The following EEIG1 variants were observed in gnomAD, a reference collection of about 807,000 sequenced individuals.
EEIG1 encodes the protein estrogen-induced osteoclastogenesis regulator 1, also known as early estrogen-induced gene 1 protein.
the EEIG1 span, among the ~76,000 whole-genome samples, chr9:127,952,303 C>G: frequency 2.0e-5 from 3 of 152,226 alleles, no homozygotes; most frequent in African/African-American, 7.2e-5. Context: ...AAGGGCCACG[C>G]CCTGTATAGC....
At chr9:127,950,531 G>A in the EEIG1 span, 7 of 1,613,758 alleles carry the variant, frequency 4.3e-6, no homozygotes, top group Admixed American at 3.3e-5. Context: ...TCAAGTCAGC[G>A]AAGCCCAGCT....
At chr9:127,965,140 A>C in the EEIG1 span, among the ~76,000 whole-genome samples, 1 of 145,804 alleles carries the variant, frequency 6.9e-6, no homozygotes, top group East Asian at 2.0e-4. Context: ...AAAAAAAAAA[A>C]AAAAACCAAA....
the EEIG1 span, among the ~76,000 whole-genome samples, chr9:127,954,512 G>A: frequency 6.6e-6 from 1 of 152,188 alleles, no homozygotes; most frequent in African/African-American, 2.4e-5. Flanking sequence ...TACCCACACA[G>A]TGATTCCCAT....
chr9:127,953,254 T>A, the EEIG1 span: 1 of 376,338 alleles, frequency 2.7e-6, no homozygotes, highest in Non-Finnish European at 4.8e-6. Context: ...GTATATTTCC[T>A]TTTTTTCTTC....
At chr9:127,956,806 CT>C in the EEIG1 span, among the ~76,000 whole-genome samples, 6 of 152,178 alleles carry the variant, frequency 3.9e-5, no homozygotes, top group African/African-American at 1.4e-4. Flanking sequence ...CCTCCACCTG[CT>C]GGGTTCAAGT....
the EEIG1 span, among the ~76,000 whole-genome samples, chr9:127,947,014 C>G: frequency 6.6e-6 from 1 of 152,136 alleles, no homozygotes; most frequent in Admixed American, 6.5e-5. Flanking sequence ...GCCTCCTGTC[C>G]TGGCAACACC....
the EEIG1 span, chr9:127,948,426 G>C: frequency 1.2e-6 from 2 of 1,613,942 alleles, no homozygotes; most frequent in Non-Finnish European, 1.7e-6. Context: ...TGTGGCGAGG[G>C]GAGCAATCAG....
chr9:127,956,877 G>A, the EEIG1 span, among the ~76,000 whole-genome samples: 5 of 152,074 alleles, frequency 3.3e-5, no homozygotes, highest in East Asian at 1.9e-4. Context: ...ACAACACCTG[G>A]CTAATTTTTG....
At chr9:127,972,411 T>A in the EEIG1 span, among the ~76,000 whole-genome samples, 1 of 152,100 alleles carries the variant, frequency 6.6e-6, no homozygotes, top group Admixed American at 6.5e-5. The surrounding 1 kb of genome is among the most constrained non-coding windows in gnomAD (Gnocchi z 4.3). Flanking sequence ...CTGCCATAAC[T>A]CTGCCTGGAC....
At chr9:127,968,928 G>A in the EEIG1 span, among the ~76,000 whole-genome samples, 3 of 152,136 alleles carry the variant, frequency 2.0e-5, no homozygotes, top group South Asian at 6.2e-4. Context: ...ACCAATCCTG[G>A]ACCAATCTTT....
the EEIG1 span, chr9:127,953,605 C>G: frequency 6.2e-7 from 1 of 1,614,140 alleles, no homozygotes; most frequent in Non-Finnish European, 8.5e-7. Flanking sequence ...CTTTCAGCTC[C>G]TGCACAGGGA....
the EEIG1 span, chr9:127,945,412 G>A: frequency 3.1e-5 from 49 of 1,578,502 alleles, no homozygotes; most frequent in East Asian, 1.8e-4. This position sits in a 1 kb window ranked among gnomAD's most constrained non-coding sequence, Gnocchi z 6.5. Flanking sequence ...TGGCCGCGGC[G>A]GCTTCTCCGG....
At chr9:127,971,754 G>A in the EEIG1 span, among the ~76,000 whole-genome samples, 1 of 152,238 alleles carries the variant, frequency 6.6e-6, no homozygotes, top group African/African-American at 2.4e-5. Flanking sequence ...GATGTGGACA[G>A]AGACTGCAGT....
At chr9:127,951,526 A>C in the EEIG1 span, among the ~76,000 whole-genome samples, 2 of 152,118 alleles carry the variant, frequency 1.3e-5, no homozygotes, top group African/African-American at 4.8e-5. Context: ...GAGAAAACTA[A>C]GTTCACAGAG....
the EEIG1 span, chr9:127,948,330 G>GGCTCCCATCC: frequency 6.2e-7 from 1 of 1,613,416 alleles, no homozygotes; most frequent in African/African-American, 1.3e-5. Context: ...CCCGGGACTG[G>GGCTCCCATCC]GCTCCCATCC....
the EEIG1 span, among the ~76,000 whole-genome samples, chr9:127,952,500 A>G: frequency 2.6e-5 from 4 of 152,240 alleles, no homozygotes; most frequent in African/African-American, 7.2e-5. Context: ...TTTGCCCAGT[A>G]GAAAAGCTCT....
At chr9:127,966,802 C>T in the EEIG1 span, among the ~76,000 whole-genome samples, 97 of 152,342 alleles carry the variant, frequency 6.4e-4, 1 homozygote, top group East Asian at 0.017. Context: ...CATCTTCCTG[C>T]TTCTACTTCA....
At chr9:127,946,455 ACACCCCAGGCTGGCCTGTGT>A in the EEIG1 span, among the ~76,000 whole-genome samples, 4 of 150,908 alleles carry the variant, frequency 2.7e-5, no homozygotes, top group Non-Finnish European at 5.9e-5. Context: ...CTGGCCTGTG[ACACCCCAGGCTGGCCTGTGT>A]GCCCATCCAT....
chr9:127,958,147 A>G, the EEIG1 span, among the ~76,000 whole-genome samples: 1 of 152,244 alleles, frequency 6.6e-6, no homozygotes, highest in Non-Finnish European at 1.5e-5. Flanking sequence ...AGGAGAATGA[A>G]GTGCGTGTGT....
Sources: allele counts gnomAD v4.1 joint callset (sites outside exome capture counted in the v4.1 genomes callset), GRCh38; gene constraint gnomAD v4.1.1; non-coding constraint Gnocchi (gnomAD v3.1); transcripts MANE v1.5; gene names NCBI Gene and HGNC (gene_info 2026-07-23, HGNC 2026-07-21).